CDH3: variants seen among roughly 807,000 people sequenced by gnomAD.
CDH3 encodes cadherin 3, also known as cadherin-3.
A neutral mutation model predicts 82.0 loss-of-function variants in CDH3; 54 were observed. The ratio of observed to expected loss-of-function variants is 0.66; its 90% CI spans 0.53 to 0.83. The LOEUF (loss-of-function observed/expected upper bound fraction) is 0.83. Ranked by LOEUF, CDH3 falls within the 40% of genes least tolerant of loss-of-function variation. The pLI, the probability that CDH3 is intolerant of heterozygous loss-of-function variation, is 0.00. For synonymous variants in CDH3, 446 were observed against 437.9 expected (o/e 1.02, Z -0.23); for missense variants, 1,054 against 1,084.6 (o/e 0.97, Z 0.40).
In CDH3 at chr16:68,647,886, G is replaced by A. The variant is rs1960122871; in HGVS notation, c.160+2136G>A. On this transcript the variant is annotated intron_variant, in intron 2 of 15. Coordinates refer to ENST00000264012, the MANE Select transcript of CDH3 (RefSeq NM_001793.6). Reference sequence around the variant, plus strand: ...CTCTCAAGTTTAGCCAAGCAGACAAGTTTCCATATTGCTAAGGAACAATCA... The same window carrying A: ...CTCTCAAGTTTAGCCAAGCAGACAAATTTCCATATTGCTAAGGAACAATCA... Among the ~76,000 whole-genome samples the A allele has an allele frequency of 2.6e-5, 4 of 152,252 alleles. No individual in the cohort carries two copies. The South Asian group carries it at 8.3e-4, about 32-fold the overall frequency.
intron 15 of CDH3, among the ~76,000 whole-genome samples, chr16:68,697,802 A>G (rs1961774319): frequency 6.6e-6 from 1 of 152,180 alleles, no homozygotes; most frequent in Non-Finnish European, 1.5e-5. Context: ...ACGGAGGCAC[A>G]TGTCCTCAGT....
intron 1 of CDH3, among the ~76,000 whole-genome samples, chr16:68,716,302 G>A (rs1011109436): frequency 1.1e-4 from 17 of 151,644 alleles, no homozygotes; most frequent in East Asian, 1.9e-4. Flanking sequence ...CATTCAAATC[G>A]TGGAAAATCA....
downstream of CDH3, among the ~76,000 whole-genome samples, chr16:68,730,249 G>A (rs1456549046): frequency 4.8e-5 from 7 of 144,678 alleles, no homozygotes; most frequent in East Asian, 4.1e-4. Context: ...AAAAAAAGCC[G>A]GGCACGGTGG....
chr16:68,731,696 G>A (rs752030490), downstream of CDH3, among the ~76,000 whole-genome samples: 8 of 151,466 alleles, frequency 5.3e-5, no homozygotes, highest in Non-Finnish European at 8.8e-5. Flanking sequence ...AATTAACCTG[G>A]TGTGGTGGCT....
At chr16:68,725,909 G>C (rs1188505986) in intron 2 of CDH3, among the ~76,000 whole-genome samples, 1 of 151,928 alleles carries the variant, frequency 6.6e-6, no homozygotes, top group East Asian at 2.0e-4. Context: ...ACCTAAATTA[G>C]CTGGGCATGG....
At chr16:68,658,914 T>C (rs1235842627) in intron 2 of CDH3, among the ~76,000 whole-genome samples, 1 of 152,190 alleles carries the variant, frequency 6.6e-6, no homozygotes. Flanking sequence ...TCCTCCCCAA[T>C]GTATACCATT....
At chr16:68,701,988 C>T (rs148829855), downstream of CDH3, among the ~76,000 whole-genome samples, 468 of 152,026 alleles carry the variant, frequency 3.1e-3, 16 homozygotes, top group East Asian at 0.045. Flanking sequence ...TGTGCCATTG[C>T]ACTCCAGCCT....
At chr16:68,705,483 C>T (rs1412814011) in intron 1 of CDH3, among the ~76,000 whole-genome samples, 9 of 151,930 alleles carry the variant, frequency 5.9e-5, no homozygotes, top group East Asian at 2.0e-4. Flanking sequence ...TGCAGTGACG[C>T]GATCTTGGCT....
At chr16:68,728,452 C>T (rs973328294), downstream of CDH3, among the ~76,000 whole-genome samples, 5 of 152,114 alleles carry the variant, frequency 3.3e-5, no homozygotes, top group African/African-American at 1.2e-4. Flanking sequence ...AGGCGTGAGC[C>T]ACCGCGCCTG....
downstream of CDH3, among the ~76,000 whole-genome samples, chr16:68,702,813 C>T (rs1046316194): frequency 1.9e-4 from 29 of 151,846 alleles, 1 homozygote; most frequent in Admixed American, 1.7e-3. Flanking sequence ...TTCAGTGAGC[C>T]GAGATCACGC....
intron 2 of CDH3, among the ~76,000 whole-genome samples, chr16:68,673,521 C>T (rs1196027033): frequency 6.6e-6 from 1 of 151,264 alleles, no homozygotes; most frequent in Non-Finnish European, 1.5e-5. Flanking sequence ...TACAGTGGCG[C>T]AGTCATGGCT....
At chr16:68,669,260 A>G (rs116041106) in intron 2 of CDH3, among the ~76,000 whole-genome samples, 1,579 of 152,272 alleles carry the variant, frequency 0.01, 26 homozygotes, top group African/African-American at 0.036. Context: ...TCCTGAGCAG[A>G]GTGGGTGTTT....
chr16:68,716,437 A>T (rs1962095527), intron 1 of CDH3, among the ~76,000 whole-genome samples: 1 of 151,644 alleles, frequency 6.6e-6, no homozygotes, highest in Non-Finnish European at 1.5e-5. Flanking sequence ...GCTGGGCAAC[A>T]TATCGAGACC....
In CDH3 at chr16:68,695,423, C is replaced by T. The variant is rs752528545; in HGVS notation, c.2133+38C>T. On this transcript the variant is annotated intron_variant, in intron 14 of 15. Transcript: ENST00000264012. ...GGGCTCTGGGATTGGGAGGTGGATGCCCCTAAGGCCACTGGCAGGGCTGTT... is the reference window on the plus strand; with the variant it reads ...GGGCTCTGGGATTGGGAGGTGGATGTCCCTAAGGCCACTGGCAGGGCTGTT... The T allele has an allele frequency of 5.7e-6, 9 of 1,578,516 alleles. No homozygotes were observed. In the South Asian group the frequency reaches 8.0e-5, roughly 14 times the overall value.
intron 2 of CDH3, among the ~76,000 whole-genome samples, chr16:68,672,061 G>A (rs1388598341): frequency 6.6e-6 from 1 of 151,842 alleles, no homozygotes; most frequent in African/African-American, 2.4e-5. Context: ...GCGAGGTGGC[G>A]GGCGCCTGTA....
At chr16:68,721,555 G>A (rs1222606173) in intron 1 of CDH3, among the ~76,000 whole-genome samples, 3 of 151,984 alleles carry the variant, frequency 2.0e-5, no homozygotes, top group African/African-American at 4.8e-5. Context: ...TTTTAACTGC[G>A]GGTACTCAGC....
chr16:68,713,922 A>T (rs943203519), intron 1 of CDH3, among the ~76,000 whole-genome samples: 24 of 58,578 alleles, frequency 4.1e-4, no homozygotes, highest in Admixed American at 9.3e-4. Context: ...TATTCTATTT[A>T]TTATTATTAT....
rs1053601515 is a variant in CDH3, at chr16:68,722,263, G to T, written c.100-162G>T. Among the ~76,000 whole-genome samples, 5 of 152,176 alleles carry T rather than the reference G, an allele frequency of 3.3e-5. No individual in the cohort carries two copies. In the South Asian group the frequency reaches 6.2e-4, roughly 19 times the overall value. On this transcript the variant is annotated intron_variant, in intron 1 of 2. Transcript: ENST00000569080. Reference sequence around the variant, plus strand: ...GCATTTGTGCATGCTAGGTGCCAGTGAGTGTTTATTGAATGAATGAATGAA... The same window carrying T: ...GCATTTGTGCATGCTAGGTGCCAGTTAGTGTTTATTGAATGAATGAATGAA...
intron 1 of CDH3, among the ~76,000 whole-genome samples, chr16:68,720,020 T>C (rs559711156): frequency 6.6e-6 from 1 of 151,994 alleles, no homozygotes; most frequent in Admixed American, 6.6e-5. Context: ...CCAGGCATGG[T>C]GGCATGCCCA....
Sources: gnomAD v4.1 joint callset for allele counts (sites outside exome capture counted in the v4.1 genomes callset) on GRCh38, gnomAD v4.1.1 for gene constraint, MANE v1.5 for transcripts, NCBI Gene and HGNC (gene_info 2026-07-23, HGNC 2026-07-21) for gene names.